The following PTPRD variants were observed in gnomAD, a reference collection of about 807,000 sequenced individuals.
PTPRD encodes the protein receptor-type tyrosine-protein phosphatase delta.
In PTPRD, 34 loss-of-function variants were observed where a neutral mutation model predicts 214.5. That is an observed-to-expected ratio of 0.16 (90% confidence interval 0.12 to 0.21). PTPRD has a LOEUF of 0.21. Ranked by LOEUF, PTPRD falls within the 10% of genes least tolerant of loss-of-function variation. The probability of loss-of-function intolerance (pLI) is 1.00; values close to 1 mark genes in which losing one functional copy is unlikely to be tolerated. For synonymous variants in PTPRD, 1,128 were observed against 845.7 expected, an observed-to-expected ratio of 1.33 and a Z score of -5.79; for missense variants, 2,545 against 2,398.7, an observed-to-expected ratio of 1.06 and a Z score of -1.27.
chr9:8,375,953 C>T lies in PTPRD; in HGVS notation c.4644G>A (p.Pro1548=), dbSNP rs199595652. 75 of 1,612,386 alleles carry T rather than the reference C, an allele frequency of 4.7e-5. No individual in the cohort carries two copies. In the East Asian group the frequency reaches 6.5e-4, roughly 14 times the overall value. ...VKTCNPPDAG[P]MVVHCSAGVG... The stretch of plus-strand genomic sequence containing the variant: ...CTTCTTACCTGCAGTGCACAACCAT[C>T]GGACCAGCATCGGGAGGGTTACAGG... The change falls in exon 39 of 46, where the codon CCG becomes CCA. Residue 1548 remains proline (P), a synonymous_variant. Transcript: ENST00000381196.
chr9:9,746,007 T>G (rs547667947), intron 6 of PTPRD, among the ~76,000 whole-genome samples: 1 of 152,108 alleles, frequency 6.6e-6, no homozygotes, highest in Admixed American at 6.6e-5. Flanking sequence ...TCAATTAACT[T>G]TGCAAATGAA....
chr9:9,924,584 A>ACGCTTT (rs56827268), intron 5 of PTPRD, among the ~76,000 whole-genome samples: 14,455 of 151,990 alleles, frequency 0.095, 1,396 homozygotes, highest in East Asian at 0.28. Flanking sequence ...CCTTTCCAGT[A>ACGCTTT]CGCTTTCACT....
At chr9:10,014,689 A>G (rs1211281787) in intron 4 of PTPRD, among the ~76,000 whole-genome samples, 1 of 152,072 alleles carries the variant, frequency 6.6e-6, no homozygotes. Flanking sequence ...AGAATAGAAC[A>G]AGGAAAGGAG....
At chr9:9,400,993 C>A (rs62532928) in intron 8 of PTPRD, among the ~76,000 whole-genome samples, 30,826 of 151,824 alleles carry the variant, frequency 0.2, 3,286 homozygotes, top group South Asian at 0.29. Context: ...GATATTGTCC[C>A]AATATTGTGA....
chr9:9,684,284 T>C (rs969130334), intron 7 of PTPRD, among the ~76,000 whole-genome samples: 2 of 151,774 alleles, frequency 1.3e-5, no homozygotes, highest in Non-Finnish European at 2.9e-5. Flanking sequence ...CATACCTTTC[T>C]GGACTAGTCA....
intron 9 of PTPRD, among the ~76,000 whole-genome samples, chr9:9,259,623 T>C (rs2099979214): frequency 6.6e-6 from 1 of 151,938 alleles, no homozygotes; most frequent in Non-Finnish European, 1.5e-5. Context: ...CTAAAGCCCA[T>C]GGGAAAGTAT....
chr9:9,966,544 C>T (rs80239104), intron 4 of PTPRD, among the ~76,000 whole-genome samples: 9 of 152,154 alleles, frequency 5.9e-5, no homozygotes, highest in South Asian at 4.1e-4. Flanking sequence ...AGGATCTCCA[C>T]AAAAAGATTA....
intron 36 of PTPRD, among the ~76,000 whole-genome samples, chr9:8,392,279 C>CT (rs1275799395): frequency 6.6e-6 from 1 of 151,874 alleles, no homozygotes; most frequent in Non-Finnish European, 1.5e-5. Flanking sequence ...AATTCCGACA[C>CT]TTTGGGGAGG....
chr9:10,568,249 G>A (rs1339945996), intron 2 of PTPRD, among the ~76,000 whole-genome samples: 3 of 152,012 alleles, frequency 2.0e-5, no homozygotes, highest in South Asian at 4.1e-4. Flanking sequence ...AGTTTGCCAA[G>A]AATGATGGTT....
intron 36 of PTPRD, among the ~76,000 whole-genome samples, chr9:8,396,933 T>C (rs2091325705): frequency 6.6e-6 from 1 of 152,194 alleles, no homozygotes; most frequent in Non-Finnish European, 1.5e-5. Context: ...AGTGCTTTTA[T>C]GTATTTTTTT....
At chr9:9,003,214 C>G (rs1046970577) in intron 11 of PTPRD, among the ~76,000 whole-genome samples, 1 of 151,954 alleles carries the variant, frequency 6.6e-6, no homozygotes, top group African/African-American at 2.4e-5. Context: ...AAAGTAACTG[C>G]CTCACCCTAG....
intron 11 of PTPRD, among the ~76,000 whole-genome samples, chr9:8,803,550 T>C (rs1169017735): frequency 6.6e-6 from 1 of 152,004 alleles, no homozygotes; most frequent in Non-Finnish European, 1.5e-5. Context: ...CTGAGCAACA[T>C]AGTGAAACCC....
chr9:8,775,367 T>C (rs768439242), intron 11 of PTPRD, among the ~76,000 whole-genome samples: 3 of 152,194 alleles, frequency 2.0e-5, no homozygotes, highest in African/African-American at 4.8e-5. Flanking sequence ...GACACTGCTA[T>C]AGTCTTCTTG....
intron 11 of PTPRD, among the ~76,000 whole-genome samples, chr9:8,788,374 C>T (rs188556981): frequency 6.9e-6 from 1 of 145,016 alleles, no homozygotes; most frequent in South Asian, 2.2e-4. Flanking sequence ...CTCTCAGGTT[C>T]AAGCCATTCT....
chr9:10,184,328 G>A (rs1343122400), intron 3 of PTPRD, among the ~76,000 whole-genome samples: 1 of 152,124 alleles, frequency 6.6e-6, no homozygotes, highest in Non-Finnish European at 1.5e-5. Context: ...GGGAGGCTGA[G>A]GCATGAGAAT....
At chr9:9,790,812 G>T (rs1420444256) in intron 5 of PTPRD, among the ~76,000 whole-genome samples, 1 of 151,988 alleles carries the variant, frequency 6.6e-6, no homozygotes, top group African/African-American at 2.4e-5. Context: ...GCCTAGAATG[G>T]GACCAAGTAT....
chr9:9,368,006 G>A (rs954735943), intron 9 of PTPRD, among the ~76,000 whole-genome samples: 3 of 151,714 alleles, frequency 2.0e-5, no homozygotes, highest in Non-Finnish European at 4.4e-5. Flanking sequence ...GCTCAGTCTG[G>A]CATGATTAAA....
At chr9:9,568,256 C>T (rs1240981288) in intron 8 of PTPRD, among the ~76,000 whole-genome samples, 1 of 151,796 alleles carries the variant, frequency 6.6e-6, no homozygotes, top group South Asian at 2.1e-4. Flanking sequence ...TGAAAGGATT[C>T]AAAATTCATA....
At position 9,644,541 on chromosome 9, in the gene PTPRD, G is replaced by T. The variant is rs147825483; in HGVS notation, c.-286-69760C>A. 6.3e-3 allele frequency among the ~76,000 whole-genome samples: 955 copies of T among 152,204 alleles called. 8 individuals are homozygous for T. Among genetic ancestry groups the T allele is most frequent in the African/African-American group, 0.022 (923 of 41,526 alleles). Reference sequence around the variant, plus strand: ...TGAAGCAATGAAAATAACAAATACAGCTTTCTTTGAGAAAACCTGAATTTG... The same window carrying T: ...TGAAGCAATGAAAATAACAAATACATCTTTCTTTGAGAAAACCTGAATTTG... On this transcript the variant is annotated intron_variant, in intron 7 of 45. Coordinates refer to ENST00000381196, the MANE Select transcript of PTPRD (RefSeq NM_002839.4).
Sources: allele counts gnomAD v4.1 joint callset (sites outside exome capture counted in the v4.1 genomes callset), GRCh38; gene constraint gnomAD v4.1.1; transcripts MANE v1.5; gene names NCBI Gene and HGNC (gene_info 2026-07-23, HGNC 2026-07-21).